Variants in CEP128 observed in about 807,000 individuals in gnomAD.
CEP128 encodes the protein centrosomal protein 128, also known as centrosomal protein 128kDa.
A neutral mutation model predicts 156.7 loss-of-function variants in CEP128; 132 were observed. The observed-to-expected ratio is 0.84, with a 90% CI of 0.73 to 0.97. The LOEUF (loss-of-function observed/expected upper bound fraction) is 0.97, where lower values mean the gene tolerates loss of function less well. CEP128 is among the 50% of genes least tolerant of loss of function. The pLI is 0.00. For missense variants in CEP128, 1,252 were observed against 1,281.9 expected, an observed-to-expected ratio of 0.98 and a Z score of 0.36; for synonymous variants, 469 against 448.9, an observed-to-expected ratio of 1.04 and a Z score of -0.57.
chr14:80,600,141 A>G (rs531086853), intron 19 of CEP128, among the ~76,000 whole-genome samples: 2 of 152,338 alleles, frequency 1.3e-5, no homozygotes, highest in East Asian at 3.9e-4. Flanking sequence ...GTATACCAAC[A>G]TATGCAAAAT....
chr14:80,770,244 T>C (rs1473376320), intron 16 of CEP128, among the ~76,000 whole-genome samples: 2 of 152,216 alleles, frequency 1.3e-5, no homozygotes, highest in Non-Finnish European at 2.9e-5. Context: ...ACCTCTTTGA[T>C]TGTAAATAGT....
chr14:80,553,570 T>C (rs1890303694), intron 21 of CEP128, among the ~76,000 whole-genome samples: 1 of 152,214 alleles, frequency 6.6e-6, no homozygotes, highest in African/African-American at 2.4e-5. Flanking sequence ...TTTTGATACA[T>C]GTTTAAGAAA....
intron 9 of CEP128, among the ~76,000 whole-genome samples, chr14:80,851,785 GA>G (rs1232201341): frequency 6.6e-6 from 1 of 151,852 alleles, no homozygotes; most frequent in African/African-American, 2.4e-5. Context: ...AAGAAACATG[GA>G]AAAATGGAAA....
intron 19 of CEP128, among the ~76,000 whole-genome samples, chr14:80,585,192 C>T (rs1056425497): frequency 6.6e-6 from 1 of 152,210 alleles, no homozygotes; most frequent in Admixed American, 6.5e-5. Flanking sequence ...ATTGGATGAT[C>T]CAGCTGTCCT....
intron 19 of CEP128, among the ~76,000 whole-genome samples, chr14:80,687,391 T>C (rs913690249): frequency 6.6e-6 from 1 of 152,130 alleles, no homozygotes; most frequent in Non-Finnish European, 1.5e-5. Flanking sequence ...TGGAATACTA[T>C]GCAGCCATAA....
intron 19 of CEP128, among the ~76,000 whole-genome samples, chr14:80,718,030 TTTTG>T (rs987933618): frequency 5.3e-5 from 8 of 152,248 alleles, no homozygotes; most frequent in Non-Finnish European, 7.4e-5. Flanking sequence ...TGTATATATG[TTTTG>T]TTTGTTTGTT....
chr14:80,518,490 T>G (rs1888595621), intron 23 of CEP128, among the ~76,000 whole-genome samples: 1 of 152,178 alleles, frequency 6.6e-6, no homozygotes, highest in Non-Finnish European at 1.5e-5. Flanking sequence ...TTTACTTGGT[T>G]AATAGTATTG....
intron 8 of CEP128, among the ~76,000 whole-genome samples, chr14:80,872,270 G>A (rs375328412): frequency 1.7e-4 from 26 of 152,154 alleles, no homozygotes; most frequent in African/African-American, 5.8e-4. Context: ...TATTGATTGC[G>A]TATCACCACA....
intron 12 of CEP128, among the ~76,000 whole-genome samples, chr14:80,833,658 A>T (rs1209931408): frequency 6.6e-6 from 1 of 152,124 alleles, no homozygotes; most frequent in Non-Finnish European, 1.5e-5. Flanking sequence ...TATAATCATT[A>T]ATATAGAAAT....
At chr14:80,725,018 T>TTATA (rs1897965091) in intron 19 of CEP128, among the ~76,000 whole-genome samples, 5 of 143,496 alleles carry the variant, frequency 3.5e-5, no homozygotes, top group African/African-American at 1.3e-4. Flanking sequence ...TATACATATA[T>TTATA]GATATATATA....
At chr14:80,915,021 TTTAC>T (rs1884463602) in intron 3 of CEP128, among the ~76,000 whole-genome samples, 1 of 152,192 alleles carries the variant, frequency 6.6e-6, no homozygotes, top group African/African-American at 2.4e-5. Context: ...GTTATCTTAC[TTTAC>T]TTACTTACAT....
At chr14:80,692,055 T>C (rs1333672174) in intron 19 of CEP128, among the ~76,000 whole-genome samples, 1 of 152,170 alleles carries the variant, frequency 6.6e-6, no homozygotes, top group Non-Finnish European at 1.5e-5. Context: ...CCCAGTTAGA[T>C]GGATTTTGGG....
rs73344098 is a variant in CEP128, at chr14:80,947,440, G to T, written c.-171-7900C>A. Among the ~76,000 whole-genome samples, 318 of 152,232 alleles carry T rather than the reference G, an allele frequency of 2.1e-3. 2 individuals carry two copies. The highest frequency in any genetic ancestry group is 7.3e-3 in the African/African-American group (305 of 41,542). The stretch of plus-strand genomic sequence containing the variant: ...TATTAAACACAAACATTCTCAGATA[G>T]GACAGGATGTGTAATTTGTTGTAGG... On this transcript the variant is annotated intron_variant, in intron 2 of 7. Transcript: ENST00000555529.
chr14:80,768,333 A>G (rs2139720055), intron 16 of CEP128, among the ~76,000 whole-genome samples: 1 of 152,312 alleles, frequency 6.6e-6, no homozygotes, highest in East Asian at 1.9e-4. Context: ...ATGCAGAATC[A>G]ATTTTAAAGT....
intron 16 of CEP128, among the ~76,000 whole-genome samples, chr14:80,772,448 G>A (rs1900561857): frequency 6.6e-6 from 1 of 152,080 alleles, no homozygotes; most frequent in Admixed American, 6.6e-5. Context: ...CATCCATCCT[G>A]CTGACAGCCA....
chr14:80,724,541 T>A (rs1286651415), intron 19 of CEP128, among the ~76,000 whole-genome samples: 1 of 152,034 alleles, frequency 6.6e-6, no homozygotes, highest in African/African-American at 2.4e-5. Flanking sequence ...TTCAAGACTC[T>A]ATAGAAAAAG....
At chr14:80,836,391 C>T (rs1447234012) in intron 11 of CEP128, 54 bp from the exon 12 acceptor site, 3 of 1,603,354 alleles carry the variant, frequency 1.9e-6, no homozygotes, top group South Asian at 2.2e-5. Flanking sequence ...GAAAGACCTA[C>T]TTCAAATGGG....
At chr14:80,520,745 GAAAT>G (rs1457387266) in intron 23 of CEP128, among the ~76,000 whole-genome samples, 3 of 152,050 alleles carry the variant, frequency 2.0e-5, no homozygotes, top group African/African-American at 4.8e-5. Context: ...ATTGACATAA[GAAAT>G]AAAGGCAGGG....
At chr14:80,762,990 T>G (rs1466850525) in intron 16 of CEP128, among the ~76,000 whole-genome samples, 1 of 152,172 alleles carries the variant, frequency 6.6e-6, no homozygotes, top group Non-Finnish European at 1.5e-5. Context: ...TTAACTACAT[T>G]CATTTACGAT....
Sources: gnomAD v4.1 joint callset for allele counts (sites outside exome capture counted in the v4.1 genomes callset) on GRCh38, gnomAD v4.1.1 for gene constraint, MANE v1.5 for transcripts, NCBI Gene and HGNC (gene_info 2026-07-23, HGNC 2026-07-21) for gene names.